The following POLR1A variants were observed in gnomAD, a reference collection of about 807,000 sequenced individuals.
POLR1A encodes the protein RNA polymerase I subunit A.
POLR1A carries 84 observed loss-of-function variants against 205.3 expected under a neutral mutation model. The observed-to-expected ratio is 0.41, with a 90% confidence interval of 0.34 to 0.49. The LOEUF is 0.49. Ranked by LOEUF, POLR1A falls within the 20% of genes least tolerant of loss-of-function variation. The probability of loss-of-function intolerance (pLI) is 0.22; values close to 1 mark genes in which losing one functional copy is unlikely to be tolerated. For missense variants in POLR1A, 1,645 were observed against 2,204.5 expected, an observed-to-expected ratio of 0.75 and a Z score of 5.08; for synonymous variants, 799 against 863.7, an observed-to-expected ratio of 0.93 and a Z score of 1.31.
rs1040880240 is a variant in POLR1A at position 86,024,097 on chromosome 2, G to A, written c.*3326C>T. ...ACAGCGTTATTTGCAACAGCCAAGA[G>A]GTGGAGGCAACCCAAGTGTCCACCA... is the stretch of plus-strand genomic sequence containing the variant. On this transcript the variant is annotated 3_prime_UTR_variant, in exon 34 of 34. Coordinates refer to ENST00000263857, the MANE Select transcript of POLR1A (RefSeq NM_015425.6). 2.6e-5 allele frequency: 4 copies of A among 153,930 alleles called. No homozygotes were observed. Among genetic ancestry groups the A allele is most frequent in the African/African-American group, 9.6e-5 (4 of 41,500 alleles). 9.5% of individuals were successfully genotyped at this position (153,930 alleles called of 1,614,324 possible).
In POLR1A at chr2:86,044,279, G is replaced by A. The variant is rs1672672782; in HGVS notation, c.2995C>T (p.Leu999=). ...ACCGTGAGATCATACTGCACGACCA[G>A]CCCCTCTAGGTGCTTGATGATGCAC... ...QRCIIKHLEG[L]VVQYDLTVRD... Residue 999 remains leucine, a synonymous_variant, in exon 22 of 34, where the codon CTG becomes TTG. Transcript: ENST00000263857. 6.2e-7 allele frequency: 1 copy of A among 1,614,160 alleles called. No homozygotes were observed. Among genetic ancestry groups the A allele is most frequent in the Non-Finnish European group, 8.5e-7 (1 of 1,180,022 alleles).
intron 20 of POLR1A, 75 bp from the exon 21 acceptor site, chr2:86,045,435 C>T (rs915772694): frequency 2.5e-5 from 33 of 1,311,832 alleles, no homozygotes; most frequent in Non-Finnish European, 3.2e-5. Context: ...AGGCCAACAC[C>T]TCCAGCAGCC....
At chr2:86,061,068 T>C (rs541723586) in intron 14 of POLR1A, among the ~76,000 whole-genome samples, 10 of 152,256 alleles carry the variant, frequency 6.6e-5, no homozygotes, top group African/African-American at 2.2e-4. Context: ...TCTCTTGTCA[T>C]TAAGGACATG....
chr2:86,046,829 G>A (rs1573809518), intron 19 of POLR1A, among the ~76,000 whole-genome samples: 2 of 150,368 alleles, frequency 1.3e-5, no homozygotes, highest in South Asian at 2.1e-4. Flanking sequence ...ACTTCATCTC[G>A]AAAAAAAACG....
chr2:86,027,230 C>CT lies in POLR1A; in HGVS notation c.*192dup, dbSNP rs1362734289. On this transcript the variant is annotated 3_prime_UTR_variant, in exon 34 of 34. Coordinates refer to ENST00000263857, the MANE Select transcript of POLR1A (RefSeq NM_015425.6). ...CAGGGAGGGGCAAGGATGAGCAACT[C>CT]TGTCACTTTCCAGGTGAAGCTGGCC... is the stretch of plus-strand genomic sequence containing the variant. 9 of 602,602 alleles carry CT rather than the reference C, an allele frequency of 1.5e-5. No individual in the cohort carries two copies. Among genetic ancestry groups the CT allele is most frequent in the Non-Finnish European group, 8.9e-6 (3 of 337,026 alleles). 37.3% of individuals were successfully genotyped at this position (602,602 alleles called of 1,614,324 possible).
At chr2:86,053,411 G>A (rs577826820) in intron 15 of POLR1A, among the ~76,000 whole-genome samples, 21 of 152,154 alleles carry the variant, frequency 1.4e-4, no homozygotes, top group Non-Finnish European at 2.9e-4. Flanking sequence ...GAAGTGGCGA[G>A]CTTCAACCTC....
chr2:86,031,768 G>C (rs1422755862), intron 29 of POLR1A, 133 bp from the exon 30 acceptor site: 1 of 1,198,042 alleles, frequency 8.3e-7, no homozygotes, highest in East Asian at 2.3e-5. Flanking sequence ...CCACACTCCC[G>C]GCTCCTCTGC....
chr2:86,080,440 G>A (rs1673378548), intron 9 of POLR1A, among the ~76,000 whole-genome samples: 1 of 152,318 alleles, frequency 6.6e-6, no homozygotes, highest in East Asian at 1.9e-4. Flanking sequence ...CACTCTTAAA[G>A]CCTGAGGGAA....
chr2:86,068,265 C>T (rs1013621930), intron 13 of POLR1A, among the ~76,000 whole-genome samples: 8 of 151,962 alleles, frequency 5.3e-5, no homozygotes, highest in Non-Finnish European at 1.2e-4. Flanking sequence ...AAATATGACT[C>T]GGCTGCTATA....
chr2:86,036,338 C>A (rs889211437), intron 27 of POLR1A, among the ~76,000 whole-genome samples: 1 of 152,154 alleles, frequency 6.6e-6, no homozygotes, highest in African/African-American at 2.4e-5. Flanking sequence ...ACAAACAGCC[C>A]ATGTGATGGG....
rs541487934 is a variant in POLR1A at position 86,048,167 on chromosome 2, C to T, written c.2634+717G>A. Among the ~76,000 whole-genome samples the T allele has an allele frequency of 2.0e-5, 3 of 152,342 alleles. No homozygotes were observed. The South Asian group carries it at 6.2e-4, about 32-fold the overall frequency. ...TTTTGATGAGTGTTGGCATTGCCTCCTCCTCCCCACTCCTCAGGCTGGGCC... is the reference window on the plus strand; with the variant it reads ...TTTTGATGAGTGTTGGCATTGCCTCTTCCTCCCCACTCCTCAGGCTGGGCC... On this transcript the variant is annotated intron_variant, in intron 18 of 33. Coordinates refer to ENST00000263857, the MANE Select transcript of POLR1A (RefSeq NM_015425.6).
chr2:86,085,099 C>T (rs113143529), intron 6 of POLR1A, among the ~76,000 whole-genome samples: 12,618 of 152,144 alleles, frequency 0.083, 907 homozygotes, highest in East Asian at 0.23. Flanking sequence ...GTAGCTGGGA[C>T]TACAGGCATC....
At chr2:86,058,398 CTTTTT>C (rs11350157) in intron 14 of POLR1A, among the ~76,000 whole-genome samples, 1 of 120,094 alleles carries the variant, frequency 8.3e-6, no homozygotes, top group Non-Finnish European at 1.7e-5. Context: ...CTCACCCAGC[CTTTTT>C]TTTTTTTTTT....
At position 86,100,191 on chromosome 2, in the gene POLR1A, C is replaced by T. The variant is rs768776732; in HGVS notation, c.78-19G>A. 1 of 1,593,682 alleles carries T rather than the reference C, an allele frequency of 6.3e-7. No individual in the cohort carries two copies. Among genetic ancestry groups the T allele is most frequent in the South Asian group, 1.1e-5 (1 of 90,640 alleles). Reference sequence around the variant, plus strand: ...TAATTTCCTAAGGGGATAAAAAAGACCAAGAGGAAAGCTAAAGTTACCAAC... The same window carrying T: ...TAATTTCCTAAGGGGATAAAAAAGATCAAGAGGAAAGCTAAAGTTACCAAC... On this transcript the variant is annotated intron_variant, in intron 1 of 33. Transcript: ENST00000263857.
rs58919291 is a variant in POLR1A at position 86,102,329 on chromosome 2, C to T, written c.78-2157G>A. Among the ~76,000 whole-genome samples the T allele has an allele frequency of 6.4e-3, 978 of 152,288 alleles. 24 individuals carry two copies. The East Asian group carries it at 0.098, about 15-fold the overall frequency. Reference sequence around the variant, plus strand: ...CTTTCTGTTTTTCTGATAGTAGCACCCTACTGGATTTGAGGAGCTTTTTAT... The same window carrying T: ...CTTTCTGTTTTTCTGATAGTAGCACTCTACTGGATTTGAGGAGCTTTTTAT... On this transcript the variant is annotated intron_variant, in intron 1 of 33. Coordinates refer to ENST00000263857, the MANE Select transcript of POLR1A (RefSeq NM_015425.6).
At chr2:86,089,973 CCT>C in intron 3 of POLR1A, 44 bp from the exon 4 acceptor site, 2 of 1,020,100 alleles carry the variant, frequency 2.0e-6, no homozygotes, top group South Asian at 2.6e-5. Context: ...GTAATGTACA[CCT>C]CTGATGAGCA....
Position 86,023,344 on chromosome 2 carries a change from G to A in POLR1A, c.*4079C>T, listed in dbSNP as rs1200268225. On this transcript the variant is annotated 3_prime_UTR_variant, in exon 34 of 34. Coordinates refer to ENST00000263857, the MANE Select transcript of POLR1A (RefSeq NM_015425.6). ...ATCACTCAACGATGAAAGACTCAAC[G>A]AACCAGCCTTTAACGACCAGTCTTT... 1 of 152,192 alleles carries A rather than the reference G, an allele frequency of 6.6e-6. No homozygotes were observed. Among genetic ancestry groups the A allele is most frequent in the Non-Finnish European group, 1.5e-5 (1 of 68,048 alleles). The allele number at this position is 152,192 out of a possible 1,614,324, so 9.4% of individuals were successfully genotyped here. A position where few individuals can be genotyped will look rare whatever the true frequency, so the allele number is the denominator to read the frequency against.
chr2:86,068,963 T>C (rs311570), intron 13 of POLR1A, among the ~76,000 whole-genome samples: 134,704 of 152,332 alleles, frequency 0.88, 60,109 homozygotes, highest in East Asian at 0.98. Context: ...GGTCTCCATC[T>C]CTGTGGTAGC....
In POLR1A at chr2:86,036,149, C is replaced by T. The variant is rs980587327; in HGVS notation, c.4035-2362G>A. Among the ~76,000 whole-genome samples the T allele has an allele frequency of 7.9e-5, 12 of 152,162 alleles. No individual in the cohort carries two copies. In the South Asian group the frequency reaches 1.0e-3, roughly 13 times the overall value. On this transcript the variant is annotated intron_variant, in intron 27 of 33. Coordinates refer to ENST00000263857, the MANE Select transcript of POLR1A (RefSeq NM_015425.6). ...CATGACCCCTGGCGGTTTCTGAACG[C>T]GCCTGGCAACAGCTCCACCACCTGC...
Sources: gnomAD v4.1 joint callset for allele counts (sites outside exome capture counted in the v4.1 genomes callset) on GRCh38, gnomAD v4.1.1 for gene constraint, MANE v1.5 for transcripts, NCBI Gene and HGNC (gene_info 2026-07-23, HGNC 2026-07-21) for gene names.